Variants in URI1 observed in about 807,000 individuals in gnomAD.
The protein encoded by URI1 is unconventional prefoldin RPB5 interactor 1.
Under a neutral mutation model 60.2 loss-of-function variants are expected in URI1, and 39 were observed. That is an observed-to-expected ratio of 0.65 (90% CI 0.50 to 0.85). The LOEUF is 0.85. URI1 is among the 40% of genes least tolerant of loss of function. URI1 has a pLI of 0.00. For synonymous variants in URI1, 251 were observed against 236.8 expected (o/e 1.06, Z -0.55); for missense variants, 691 against 665.9 (o/e 1.04, Z -0.42).
At position 29,949,094 on chromosome 19, in the gene URI1, C is replaced by A. The variant is rs566158223; in HGVS notation, c.117+6430C>A. ...GGACGGGGCTTCTGCCGGGCGGAGACGCTCCTCACTTCCCAGACGGGGCAG... is the reference window on the plus strand; with the variant it reads ...GGACGGGGCTTCTGCCGGGCGGAGAAGCTCCTCACTTCCCAGACGGGGCAG... On this transcript the variant is annotated intron_variant, in intron 1 of 10. Transcript: ENST00000392271. Among the ~76,000 whole-genome samples, 5 of 150,796 alleles carry A rather than the reference C, an allele frequency of 3.3e-5. No homozygotes were observed. The South Asian group carries it at 1.0e-3, about 31-fold the overall frequency.
At chr19:29,975,083 TG>T (rs2055503885) in intron 2 of URI1, among the ~76,000 whole-genome samples, 2 of 151,934 alleles carry the variant, frequency 1.3e-5, no homozygotes, top group Admixed American at 6.6e-5. Flanking sequence ...TTTTTTTTTT[TG>T]GGTGGTCTGT....
intron 4 of URI1, among the ~76,000 whole-genome samples, chr19:29,994,450 G>A (rs976138036): frequency 6.6e-6 from 1 of 151,456 alleles, no homozygotes; most frequent in African/African-American, 2.4e-5. Context: ...CCCATCCCCT[G>A]GTAACCACTA....
chr19:29,947,885 AT>A (rs1214891781), intron 1 of URI1, among the ~76,000 whole-genome samples: 4 of 152,100 alleles, frequency 2.6e-5, no homozygotes, highest in Non-Finnish European at 4.4e-5. Context: ...ATCCTCTTAT[AT>A]TGTCTAATAG....
At chr19:30,000,912 C>T (rs369356915) in intron 4 of URI1, among the ~76,000 whole-genome samples, 7 of 151,952 alleles carry the variant, frequency 4.6e-5, no homozygotes, top group African/African-American at 1.7e-4. Flanking sequence ...GTGATTTCTT[C>T]TGCATACTCT....
At chr19:29,974,555 A>G (rs1423728559) in intron 2 of URI1, among the ~76,000 whole-genome samples, 1 of 152,162 alleles carries the variant, frequency 6.6e-6, no homozygotes, top group Non-Finnish European at 1.5e-5. Context: ...TCATTTCAAC[A>G]TCTTATCTTG....
chr19:29,979,315 TTAAC>T (rs548545275), intron 2 of URI1, among the ~76,000 whole-genome samples: 4 of 152,142 alleles, frequency 2.6e-5, no homozygotes, highest in Non-Finnish European at 4.4e-5. Flanking sequence ...TCAGTAAAAA[TTAAC>T]TAGGCACTTT....
chr19:29,963,206 G>A (rs1012445251), intron 1 of URI1, among the ~76,000 whole-genome samples: 1 of 152,052 alleles, frequency 6.6e-6, no homozygotes, highest in Non-Finnish European at 1.5e-5. Flanking sequence ...TTTCAATATT[G>A]CTTCTGCTGC....
intron 1 of URI1, among the ~76,000 whole-genome samples, chr19:29,935,161 T>A (rs2054958226): frequency 6.6e-6 from 1 of 152,342 alleles, no homozygotes; most frequent in South Asian, 2.1e-4. Context: ...TCCTTTTTTC[T>A]TTCCCTGTCT....
intron 4 of URI1, among the ~76,000 whole-genome samples, chr19:29,998,617 T>C (rs907923845): frequency 3.3e-5 from 5 of 152,212 alleles, no homozygotes; most frequent in Non-Finnish European, 7.3e-5. Flanking sequence ...GATACTACTA[T>C]AGCTACTTCA....
In URI1 at chr19:29,942,286, G is replaced by T; in HGVS notation, c.-262G>T. 2 of 985,214 alleles carry T rather than the reference G, an allele frequency of 2.0e-6. No individual in the cohort carries two copies. Among genetic ancestry groups the T allele is most frequent in the Non-Finnish European group, 2.4e-6 (2 of 829,710 alleles). The allele number at this position is 985,214 out of a possible 1,614,324, so 61.0% of individuals were successfully genotyped here. ...CGCGACGCCTGGCTGGGCCCGCACC[G>T]GAGAGGCGTCTCGGTACCTGGCAGG... On this transcript the variant is annotated 5_prime_UTR_variant, in exon 1 of 11. Coordinates refer to ENST00000392271, the MANE Select transcript of URI1 (RefSeq NM_003796.3).
chr19:29,942,592 T>C lies in URI1; in HGVS notation c.45T>C (p.Pro15=), dbSNP rs1205975278. Residue 15 remains proline (P), a synonymous_variant, in exon 1 of 11, where the codon CCT becomes CCC. Transcript: ENST00000392271. Reference sequence around the variant, plus strand: ...AGACGCCCCCCGACCCCTCGCCCCCTTCGGCCCCGGCCCCTGCCCTGGTTC... The same window carrying C: ...AGACGCCCCCCGACCCCTCGCCCCCCTCGGCCCCGGCCCCTGCCCTGGTTC... ...TVETPPDPSP[P]SAPAPALVPL... 21 of 1,071,150 alleles carry C rather than the reference T, an allele frequency of 2.0e-5. No homozygotes were observed. The highest frequency in any genetic ancestry group is 3.5e-5 in the African/African-American group (2 of 57,580). 66.4% of individuals were successfully genotyped at this position (1,071,150 alleles called of 1,614,324 possible). A position where few individuals can be genotyped will look rare whatever the true frequency, so the allele number is the denominator to read the frequency against.
At chr19:29,980,116 A>T (rs2055574575) in intron 2 of URI1, 2 of 152,186 alleles carry the variant, frequency 1.3e-5, no homozygotes, top group African/African-American at 2.4e-5. Context: ...TCTATATAGA[A>T]TCCATGCCCA....
chr19:29,943,945 G>A (rs1033232097), intron 1 of URI1, among the ~76,000 whole-genome samples: 3 of 150,914 alleles, frequency 2.0e-5, no homozygotes, highest in African/African-American at 7.3e-5. Context: ...GATCAGCCTG[G>A]GCAACACAGG....
chr19:30,000,582 A>G (rs2055866186), intron 4 of URI1, among the ~76,000 whole-genome samples: 1 of 151,930 alleles, frequency 6.6e-6, no homozygotes, highest in African/African-American at 2.4e-5. Context: ...AGAATTTTGG[A>G]TACATTATTC....
chr19:29,924,198 A>G (rs2054846208), intron 1 of URI1, among the ~76,000 whole-genome samples: 1 of 152,014 alleles, frequency 6.6e-6, no homozygotes, highest in Non-Finnish European at 1.5e-5. Context: ...TCGAGTACCA[A>G]TCTCTTTGAA....
At chr19:29,972,444 A>T (rs560164106) in intron 2 of URI1, among the ~76,000 whole-genome samples, 2 of 152,232 alleles carry the variant, frequency 1.3e-5, no homozygotes, top group East Asian at 3.9e-4. Context: ...CCCATTTTAC[A>T]AATAATTTCC....
chr19:29,954,072 A>G (rs1419596125), intron 1 of URI1, among the ~76,000 whole-genome samples: 3 of 152,218 alleles, frequency 2.0e-5, no homozygotes, highest in East Asian at 3.9e-4. Context: ...TCCCCAGTCT[A>G]TATTTGAAAC....
chr19:29,972,144 G>A (rs1460728523), intron 2 of URI1, among the ~76,000 whole-genome samples: 1 of 152,018 alleles, frequency 6.6e-6, no homozygotes. Flanking sequence ...TGCAGGCAGT[G>A]GATAAGAGTG....
chr19:29,948,856 C>G (rs2055134819), intron 1 of URI1, among the ~76,000 whole-genome samples: 2 of 152,336 alleles, frequency 1.3e-5, no homozygotes, highest in South Asian at 4.1e-4. Context: ...CTGTTGGGTA[C>G]ACCTGCCACA....
Sources: allele counts gnomAD v4.1 joint callset (sites outside exome capture counted in the v4.1 genomes callset), GRCh38; gene constraint gnomAD v4.1.1; transcripts MANE v1.5; gene names NCBI Gene and HGNC (gene_info 2026-07-23, HGNC 2026-07-21).